MTCL3: variants seen among roughly 807,000 people sequenced by gnomAD.
The protein encoded by MTCL3 is microtubule cross-linking factor 3.
chr6:127,516,651 A>G, the MTCL3 span: 3 of 1,574,980 alleles, frequency 1.9e-6, no homozygotes, highest in East Asian at 6.8e-5. Flanking sequence ...GGAAGAGCCC[A>G]TTACTAGATC....
At chr6:127,499,291 A>G in the MTCL3 span, among the ~76,000 whole-genome samples, 1 of 152,216 alleles carries the variant, frequency 6.6e-6, no homozygotes, top group African/African-American at 2.4e-5. Flanking sequence ...AGCTGTCAGG[A>G]ATAAGAAAAC....
At chr6:127,480,801 A>T in the MTCL3 span, among the ~76,000 whole-genome samples, 2 of 152,206 alleles carry the variant, frequency 1.3e-5, no homozygotes, top group African/African-American at 2.4e-5. Flanking sequence ...TGAGCATTGG[A>T]ATCGTGTTAT....
the MTCL3 span, among the ~76,000 whole-genome samples, chr6:127,500,568 G>T: frequency 6.6e-6 from 1 of 152,050 alleles, no homozygotes; most frequent in Admixed American, 6.5e-5. Flanking sequence ...ATGCAGGTTT[G>T]TTATATAGGT....
chr6:127,483,833 T>C, the MTCL3 span, among the ~76,000 whole-genome samples: 2 of 152,190 alleles, frequency 1.3e-5, no homozygotes, highest in Admixed American at 6.5e-5. Flanking sequence ...CTGTCTACCA[T>C]ATACTACACA....
chr6:127,475,982 A>G, the MTCL3 span: 32 of 1,610,572 alleles, frequency 2.0e-5, no homozygotes, highest in Non-Finnish European at 2.5e-5. This position sits in a 1 kb window ranked among gnomAD's most constrained non-coding sequence, Gnocchi z 7.3. Flanking sequence ...CCGGACTTGT[A>G]CTTGTACTTG....
the MTCL3 span, among the ~76,000 whole-genome samples, chr6:127,474,156 A>AT: frequency 2.9e-4 from 8 of 27,218 alleles, no homozygotes; most frequent in African/African-American, 8.5e-4. Flanking sequence ...AACTTATGGT[A>AT]AAAAAAAAAA....
chr6:127,509,733 A>T, the MTCL3 span, among the ~76,000 whole-genome samples: 1 of 152,240 alleles, frequency 6.6e-6, no homozygotes. Context: ...ACAACCAATG[A>T]AGCAGATGGT....
chr6:127,501,294 C>A, the MTCL3 span, among the ~76,000 whole-genome samples: 1 of 152,290 alleles, frequency 6.6e-6, no homozygotes, highest in African/African-American at 2.4e-5. Flanking sequence ...AACCCAATAG[C>A]TACATTTTAC....
chr6:127,491,682 G>A, the MTCL3 span, among the ~76,000 whole-genome samples: 2 of 151,788 alleles, frequency 1.3e-5, no homozygotes, highest in Non-Finnish European at 2.9e-5. Flanking sequence ...ACCAGCCTGG[G>A]CAATATGGTG....
chr6:127,488,396 T>C, the MTCL3 span, among the ~76,000 whole-genome samples: 3 of 152,250 alleles, frequency 2.0e-5, no homozygotes, highest in African/African-American at 7.2e-5. Context: ...TTTGTTTCAA[T>C]GTCTGTTTTC....
At chr6:127,482,977 A>G in the MTCL3 span, 1 of 1,607,274 alleles carries the variant, frequency 6.2e-7, no homozygotes, top group South Asian at 1.1e-5. The surrounding 1 kb of genome is among the most constrained non-coding windows in gnomAD (Gnocchi z 4.1). Flanking sequence ...TCTTCTTTTT[A>G]AGGATAACTG....
the MTCL3 span, among the ~76,000 whole-genome samples, chr6:127,503,193 G>A: frequency 6.6e-6 from 1 of 152,184 alleles, no homozygotes; most frequent in Non-Finnish European, 1.5e-5. Flanking sequence ...ACGCAGCACT[G>A]ATGACTGCAG....
At chr6:127,489,446 G>A in the MTCL3 span, among the ~76,000 whole-genome samples, 1 of 152,234 alleles carries the variant, frequency 6.6e-6, no homozygotes, top group Non-Finnish European at 1.5e-5. Context: ...TAAGCTTGGT[G>A]ACGTAGGCAT....
chr6:127,488,126 A>G, the MTCL3 span, among the ~76,000 whole-genome samples: 45 of 152,140 alleles, frequency 3.0e-4, no homozygotes, highest in African/African-American at 1.0e-3. Context: ...CAGTTCCTCA[A>G]ACATACCAAG....
chr6:127,494,414 A>T, the MTCL3 span, among the ~76,000 whole-genome samples: 1 of 152,354 alleles, frequency 6.6e-6, no homozygotes, highest in East Asian at 1.9e-4. Context: ...GGATGTGGTT[A>T]CAACAGAACT....
the MTCL3 span, among the ~76,000 whole-genome samples, chr6:127,473,740 T>A: frequency 2.0e-5 from 3 of 152,266 alleles, no homozygotes; most frequent in African/African-American, 7.2e-5. Context: ...ACCATGCTTC[T>A]GTACGTAAAC....
chr6:127,492,098 T>C, the MTCL3 span, among the ~76,000 whole-genome samples: 3 of 152,206 alleles, frequency 2.0e-5, no homozygotes, highest in Admixed American at 1.3e-4. Flanking sequence ...AAAAGTCATG[T>C]GGCCCAGATG....
the MTCL3 span, among the ~76,000 whole-genome samples, chr6:127,488,288 G>A: frequency 2.6e-5 from 4 of 152,170 alleles, no homozygotes; most frequent in East Asian, 1.9e-4. Context: ...CAAATCCTTC[G>A]GCCATTCTCT....
the MTCL3 span, among the ~76,000 whole-genome samples, chr6:127,490,508 C>G: frequency 4.6e-4 from 70 of 151,938 alleles, 3 homozygotes; most frequent in South Asian, 8.3e-4. Flanking sequence ...AAATGGCATT[C>G]TAGATGCCAT....
Sources: allele counts gnomAD v4.1 joint callset (sites outside exome capture counted in the v4.1 genomes callset), GRCh38; gene constraint gnomAD v4.1.1; non-coding constraint Gnocchi (gnomAD v3.1); transcripts MANE v1.5; gene names NCBI Gene and HGNC (gene_info 2026-07-23, HGNC 2026-07-21).